BMPER: variants seen among roughly 807,000 people sequenced by gnomAD.
The protein encoded by BMPER is BMP-binding endothelial regulator protein.
A neutral mutation model predicts 87.3 loss-of-function variants in BMPER; 45 were observed. That is an observed-to-expected ratio of 0.52 (90% CI 0.41 to 0.66). The LOEUF (loss-of-function observed/expected upper bound fraction) is 0.66. BMPER is among the 30% of genes least tolerant of loss of function. The pLI, the probability that BMPER is intolerant of heterozygous loss-of-function variation, is 0.00. For missense variants in BMPER, 784 were observed against 867.5 expected, an observed-to-expected ratio of 0.90 and a Z score of 1.21; for synonymous variants, 326 against 316.2, an observed-to-expected ratio of 1.03 and a Z score of -0.33.
intron 2 of BMPER, among the ~76,000 whole-genome samples, chr7:33,917,064 A>T (rs895267794): frequency 6.6e-6 from 1 of 152,242 alleles, no homozygotes; most frequent in Non-Finnish European, 1.5e-5. Flanking sequence ...TAAAAGGAAC[A>T]TTCCCTTTTA....
At chr7:33,947,322 C>T in intron 3 of BMPER, among the ~76,000 whole-genome samples, 1 of 152,096 alleles carries the variant, frequency 6.6e-6, no homozygotes, top group East Asian at 1.9e-4. Flanking sequence ...GTGTTTCAGA[C>T]ATTTATAGGT....
chr7:33,944,327 G>A (rs1213828628), intron 3 of BMPER, among the ~76,000 whole-genome samples: 2 of 151,910 alleles, frequency 1.3e-5, no homozygotes, highest in East Asian at 1.9e-4. Context: ...CACAATGCCC[G>A]GCAATTTTTT....
intron 13 of BMPER, among the ~76,000 whole-genome samples, chr7:34,124,537 A>G (rs755184379): frequency 1.1e-4 from 17 of 151,878 alleles, no homozygotes; most frequent in Non-Finnish European, 2.2e-4. Context: ...TATTGATGGC[A>G]TATAGGAAAA....
rs73316449 is a variant in BMPER, at chr7:34,105,849, G to A, written c.1745+19757G>A. The stretch of plus-strand genomic sequence containing the variant: ...TCATTGATGCCCTTTACTGGATCAC[G>A]GGAATGGAACAATCAGATTTTAGAC... On this transcript the variant is annotated intron_variant, in intron 13 of 14. Transcript: ENST00000649409. 4.5e-3 allele frequency among the ~76,000 whole-genome samples: 681 copies of A among 152,300 alleles called. 4 individuals are homozygous for A. Among genetic ancestry groups the A allele is most frequent in the African/African-American group, 0.016 (647 of 41,568 alleles).
intron 14 of BMPER, among the ~76,000 whole-genome samples, chr7:34,152,073 T>C (rs987659932): frequency 1.2e-4 from 19 of 152,242 alleles, no homozygotes; most frequent in African/African-American, 4.6e-4. Flanking sequence ...GCCCGTTTGC[T>C]GGCAAACCAG....
intron 6 of BMPER, among the ~76,000 whole-genome samples, chr7:34,011,041 C>T (rs1000494189): frequency 4.0e-5 from 6 of 151,818 alleles, no homozygotes; most frequent in Middle Eastern, 3.2e-3. Context: ...AAAACCTCCT[C>T]AGTTTATTTT....
intron 4 of BMPER, 147 bp from the exon 5 acceptor site, chr7:33,970,182 C>A: frequency 4.1e-6 from 3 of 740,614 alleles, no homozygotes; most frequent in Non-Finnish European, 4.9e-6. Context: ...GATCTCACCT[C>A]GTTGGTGTCT....
chr7:34,043,303 CTCTT>C (rs1787878903), intron 6 of BMPER, among the ~76,000 whole-genome samples: 1 of 152,178 alleles, frequency 6.6e-6, no homozygotes, highest in African/African-American at 2.4e-5. Flanking sequence ...GGGAACCAGA[CTCTT>C]TCAATTGTTT....
rs564136334 is a variant in BMPER at position 34,086,019 on chromosome 7, C to G, written c.1672C>G (p.Arg558Gly). The change falls in exon 13 of 15, where the codon CGA becomes GGA. Residue 558 changes from arginine to glycine, a missense_variant. Physicochemically the swap from Arg to Gly is moderately radical, Grantham distance 125. Transcript: ENST00000649409. The part of the protein sequence containing the change: ...GTVKVKLRAH[R>G]ECQKLKSWEF... ...AGTCAAGGTAAAGCTCCGGGCCCAT[C>G]GAGAATGCCAAAAGCTCAAATCCTG... 6.2e-7 allele frequency: 1 copy of G among 1,614,032 alleles called. No homozygotes were observed. The highest frequency in any genetic ancestry group is 1.1e-5 in the South Asian group (1 of 91,058).
intron 6 of BMPER, among the ~76,000 whole-genome samples, chr7:34,040,602 C>G (rs947134507): frequency 3.9e-5 from 6 of 152,074 alleles, no homozygotes; most frequent in African/African-American, 1.4e-4. Context: ...GAATGAGGAG[C>G]CACTAAAAGT....
chr7:34,106,428 C>T (rs1027293412), intron 13 of BMPER, among the ~76,000 whole-genome samples: 4 of 152,172 alleles, frequency 2.6e-5, no homozygotes, highest in Admixed American at 2.6e-4. Context: ...GTTGTTCAAC[C>T]CCAATGAGAA....
intron 6 of BMPER, among the ~76,000 whole-genome samples, chr7:33,991,943 A>G (rs1786232557): frequency 7.1e-6 from 1 of 140,246 alleles, no homozygotes; most frequent in African/African-American, 2.7e-5. Flanking sequence ...GAGATTCTTA[A>G]TCCTGAGTTC....
intron 2 of BMPER, 74 bp from the exon 3 acceptor site, chr7:33,937,215 C>A: frequency 6.7e-7 from 1 of 1,494,904 alleles, no homozygotes; most frequent in Non-Finnish European, 9.3e-7. Flanking sequence ...CTCGGGAAAC[C>A]TCTGTGGTGT....
At chr7:33,951,021 C>T (rs975976362) in intron 3 of BMPER, among the ~76,000 whole-genome samples, 5 of 151,948 alleles carry the variant, frequency 3.3e-5, no homozygotes, top group African/African-American at 7.3e-5. Flanking sequence ...CCCTGTCTCC[C>T]CATCTTCTTC....
intron 2 of BMPER, 102 bp from the exon 3 acceptor site, chr7:33,937,187 G>A (rs1784622835): frequency 8.1e-7 from 1 of 1,230,834 alleles, no homozygotes; most frequent in East Asian, 2.4e-5. Flanking sequence ...GCCAAGTGAA[G>A]GCCAGATAAG....
intron 6 of BMPER, among the ~76,000 whole-genome samples, chr7:33,981,676 T>C (rs1388211044): frequency 1.3e-5 from 2 of 152,174 alleles, no homozygotes; most frequent in Non-Finnish European, 2.9e-5. Context: ...TTATTTTCCT[T>C]CTCTTCCCCC....
chr7:33,972,824 G>A (rs751690026), intron 5 of BMPER, among the ~76,000 whole-genome samples: 3 of 152,292 alleles, frequency 2.0e-5, no homozygotes, highest in Middle Eastern at 3.4e-3. Flanking sequence ...TCATTCCCTC[G>A]CCTTAATTCC....
chr7:34,125,972 A>T (rs1168679686), intron 13 of BMPER, among the ~76,000 whole-genome samples: 2 of 152,208 alleles, frequency 1.3e-5, no homozygotes, highest in African/African-American at 4.8e-5. Flanking sequence ...ACTGTGCTGG[A>T]TGCTGAAGAT....
At chr7:34,098,900 A>T (rs1182994803) in intron 13 of BMPER, among the ~76,000 whole-genome samples, 1 of 152,210 alleles carries the variant, frequency 6.6e-6, no homozygotes, top group East Asian at 1.9e-4. Flanking sequence ...AGAATAAAAG[A>T]TCAGATGTCT....
Sources: allele counts gnomAD v4.1 joint callset (sites outside exome capture counted in the v4.1 genomes callset), GRCh38; gene constraint gnomAD v4.1.1; transcripts MANE v1.5; gene names NCBI Gene and HGNC (gene_info 2026-07-23, HGNC 2026-07-21).